Variants in COL19A1 observed in about 807,000 individuals in gnomAD.
COL19A1 encodes collagen alpha-1(XIX) chain.
In COL19A1, 159 loss-of-function variants were observed where a neutral mutation model predicts 190.2. That is an observed-to-expected ratio of 0.84 (90% CI 0.73 to 0.95). The LOEUF (loss-of-function observed/expected upper bound fraction) is 0.95, where lower values mean the gene tolerates loss of function less well. COL19A1 is among the 40% of genes least tolerant of loss of function. COL19A1 has a pLI of 0.00. For synonymous variants in COL19A1, 509 were observed against 458.9 expected, an observed-to-expected ratio of 1.11 and a Z score of -1.39; for missense variants, 1,418 against 1,431.9, an observed-to-expected ratio of 0.99 and a Z score of 0.16.
At chr6:69,875,327 C>T (rs370616607) in intron 1 of COL19A1, among the ~76,000 whole-genome samples, 2 of 152,250 alleles carry the variant, frequency 1.3e-5, no homozygotes, top group Admixed American at 6.5e-5. Context: ...TGTAGAACAG[C>T]TTTTGGACTA....
intron 14 of COL19A1, 96 bp from the exon 15 acceptor site, chr6:70,068,327 T>TGA: frequency 1.2e-6 from 1 of 863,602 alleles, no homozygotes; most frequent in Non-Finnish European, 2.0e-6. Context: ...AAAAGTTTGT[T>TGA]TTAATCAACA....
At position 69,897,077 on chromosome 6, in the gene COL19A1, C is replaced by G. The variant is rs75604549; in HGVS notation, c.92-1871C>G. On this transcript the variant is annotated intron_variant, in intron 2 of 50. Transcript: ENST00000620364. Reference sequence around the variant, plus strand: ...CTTTGCTATCCCAAGTTCATGAAGACTTTGTTGTCTTGTGGATGCTTTACT... The same window carrying G: ...CTTTGCTATCCCAAGTTCATGAAGAGTTTGTTGTCTTGTGGATGCTTTACT... Among the ~76,000 whole-genome samples, 820 of 152,248 alleles carry G rather than the reference C, an allele frequency of 5.4e-3. 18 individuals carry two copies. In the East Asian group the frequency reaches 0.066, roughly 12 times the overall value.
intron 6 of COL19A1, among the ~76,000 whole-genome samples, chr6:69,931,329 G>A (rs1218057465): frequency 1.3e-5 from 2 of 152,080 alleles, no homozygotes; most frequent in Admixed American, 6.6e-5. Flanking sequence ...TATCAGTGAA[G>A]CATTCTAAAG....
intron 4 of COL19A1, 29 bp from the exon 5 acceptor site, chr6:69,927,880 C>A: frequency 1.3e-6 from 2 of 1,579,834 alleles, no homozygotes; most frequent in Non-Finnish European, 1.7e-6. Context: ...CCAGTTTCCC[C>A]ACAAAAGTTC....
chr6:69,880,809 A>G (rs991477823), intron 2 of COL19A1, among the ~76,000 whole-genome samples: 4 of 152,220 alleles, frequency 2.6e-5, no homozygotes, highest in African/African-American at 4.8e-5. Flanking sequence ...ACAACTATGT[A>G]AAAAAGGAAA....
At chr6:70,147,021 T>C in intron 27 of COL19A1, 132 bp downstream of exon 27, 1 of 714,916 alleles carries the variant, frequency 1.4e-6, no homozygotes, top group South Asian at 2.5e-5. Context: ...CAGAGATGAC[T>C]GATCAGCATT....
chr6:69,897,487 A>ACACACACACACC (rs57788189), intron 2 of COL19A1, among the ~76,000 whole-genome samples: 59 of 142,628 alleles, frequency 4.1e-4, no homozygotes, highest in African/African-American at 1.5e-3. Flanking sequence ...ACACACACAC[A>ACACACACACACC]CCCCATACTG....
Position 70,142,066 on chromosome 6 carries a change from C to G in COL19A1, c.1562C>G (p.Pro521Arg), listed in dbSNP as rs1786288789. 1.2e-6 allele frequency: 2 copies of G among 1,611,696 alleles called. No individual in the cohort carries two copies. The highest frequency in any genetic ancestry group is 2.7e-5 in the African/African-American group (2 of 74,762). Residue 521 changes from proline to arginine, a missense_variant, in exon 22 of 51, where the codon CCA becomes CGA. Physicochemically the swap from Pro to Arg is moderately radical, Grantham distance 103. Transcript: ENST00000620364. ...DPGPPGLIGSPGLKGQQGSAG... is the reference protein window; with the variant it reads ...DPGPPGLIGSRGLKGQQGSAG... The stretch of plus-strand genomic sequence containing the variant: ...GGACCCCCTGGTTTAATAGGAAGCC[C>G]AGGACTAAAGGTATATAAGAAATAA...
chr6:70,130,032 C>A (rs1382041246), intron 17 of COL19A1, 150 bp from the exon 18 acceptor site: 27 of 701,088 alleles, frequency 3.9e-5, no homozygotes, highest in Non-Finnish European at 5.9e-5. Context: ...TAACAACAGG[C>A]GAGAGAGACA....
At chr6:69,920,493 A>C (rs1303294620) in intron 4 of COL19A1, among the ~76,000 whole-genome samples, 3 of 152,216 alleles carry the variant, frequency 2.0e-5, no homozygotes, top group Non-Finnish European at 4.4e-5. Flanking sequence ...TCCAGATTAC[A>C]TCTAGAGCTG....
intron 11 of COL19A1, among the ~76,000 whole-genome samples, chr6:69,997,544 A>G (rs1383752392): frequency 6.6e-6 from 1 of 152,230 alleles, no homozygotes; most frequent in Non-Finnish European, 1.5e-5. Flanking sequence ...AGAAACAGAC[A>G]TCATAAAGGA....
At chr6:69,929,378 T>G (rs1427008518) in intron 5 of COL19A1, 47 bp from the exon 6 acceptor site, 17 of 1,559,252 alleles carry the variant, frequency 1.1e-5, no homozygotes, top group African/African-American at 2.8e-5. Flanking sequence ...TTAATAATTT[T>G]GAACATTGAT....
chr6:70,078,583 C>A (rs1330868805), intron 15 of COL19A1, among the ~76,000 whole-genome samples: 1 of 152,052 alleles, frequency 6.6e-6, no homozygotes, highest in African/African-American at 2.4e-5. Context: ...CTAAGGTAAC[C>A]CTCCAGGAAT....
chr6:69,883,346 C>T (rs886734919), intron 2 of COL19A1, among the ~76,000 whole-genome samples: 1 of 152,198 alleles, frequency 6.6e-6, no homozygotes, highest in Admixed American at 6.5e-5. Context: ...AAATCCTGTC[C>T]TATGAGACCT....
At chr6:70,046,058 T>G (rs1779895521) in intron 14 of COL19A1, among the ~76,000 whole-genome samples, 1 of 152,332 alleles carries the variant, frequency 6.6e-6, no homozygotes, top group South Asian at 2.1e-4. Context: ...GGAAGCCCAT[T>G]TTTGTAATAC....
At chr6:69,938,964 A>G (rs1425838052) in intron 9 of COL19A1, among the ~76,000 whole-genome samples, 4 of 152,150 alleles carry the variant, frequency 2.6e-5, no homozygotes, top group East Asian at 3.8e-4. Context: ...TGGGAAGTCC[A>G]TGATTCTAAA....
intron 1 of COL19A1, among the ~76,000 whole-genome samples, chr6:69,870,189 A>G (rs1767739163): frequency 6.6e-6 from 1 of 152,236 alleles, no homozygotes; most frequent in Admixed American, 6.5e-5. Context: ...CTTAGACTGT[A>G]TCATTCTACA....
rs1235768176 is a variant in COL19A1 at position 70,118,770 on chromosome 6, A to ATT, written c.1279-3110_1279-3109insTT. On this transcript the variant is annotated intron_variant, in intron 16 of 50. Coordinates refer to ENST00000620364, the MANE Select transcript of COL19A1 (RefSeq NM_001858.6). ...TGTGGATATTTGAATAATAACGTTC[A>ATT]ACCTTTTCTGTAGCCTCATTGCTCT... Among the ~76,000 whole-genome samples, 128 of 152,258 alleles carry ATT rather than the reference A, an allele frequency of 8.4e-4. 1 individual carries two copies. The highest frequency in any genetic ancestry group is 2.9e-3 in the African/African-American group (120 of 41,514).
intron 2 of COL19A1, chr6:69,890,913 A>G (rs1769302973): frequency 5.5e-6 from 1 of 180,334 alleles, no homozygotes; most frequent in Admixed American, 5.1e-5. Context: ...AAGGATAAGG[A>G]TGAAGACTGA....
Sources: gnomAD v4.1 joint callset for allele counts (sites outside exome capture counted in the v4.1 genomes callset) on GRCh38, gnomAD v4.1.1 for gene constraint, MANE v1.5 for transcripts, NCBI Gene and HGNC (gene_info 2026-07-23, HGNC 2026-07-21) for gene names.